NPAS3: variants seen among roughly 807,000 people sequenced by gnomAD.
NPAS3 encodes the protein neuronal PAS domain protein 3, also known as neuronal PAS domain-containing protein 3.
NPAS3 carries 14 observed loss-of-function variants against 73.1 expected under a neutral mutation model. The observed-to-expected ratio is 0.19, with a 90% CI of 0.13 to 0.30. NPAS3 has a LOEUF of 0.30. Ranked by LOEUF, NPAS3 falls within the 10% of genes least tolerant of loss-of-function variation. NPAS3 has a pLI of 1.00. For missense variants in NPAS3, 1,096 were observed against 1,250.0 expected (o/e 0.88, Z 1.86); for synonymous variants, 620 against 541.5 (o/e 1.14, Z -2.01).
At chr14:33,638,854 T>C (rs892506333) in intron 5 of NPAS3, among the ~76,000 whole-genome samples, 1 of 152,264 alleles carries the variant, frequency 6.6e-6, no homozygotes, top group African/African-American at 2.4e-5. Context: ...TATTTTAAAG[T>C]AATGTAACTG....
intron 1 of NPAS3, among the ~76,000 whole-genome samples, chr14:32,965,859 T>C (rs2037131379): frequency 1.3e-5 from 2 of 152,144 alleles, no homozygotes; most frequent in South Asian, 2.1e-4. Context: ...ACAAATTTAG[T>C]AAAATTGCAG....
At chr14:33,476,906 A>C (rs139125569) in intron 4 of NPAS3, among the ~76,000 whole-genome samples, 157 of 152,336 alleles carry the variant, frequency 1.0e-3, no homozygotes, top group African/African-American at 3.5e-3. Flanking sequence ...GACAGAGAAT[A>C]GAATTGGAGT....
rs528177129 is a variant in NPAS3 at position 33,591,224 on chromosome 14, G to A, written c.558+31014G>A. On this transcript the variant is annotated intron_variant, in intron 5 of 11. Transcript: ENST00000356141. ...TTGCCTGTATGGGACTACAGGTCCA[G>A]TTTTACCTTTACTCCCTCACTGCCC... 3.0e-4 allele frequency among the ~76,000 whole-genome samples: 46 copies of A among 152,278 alleles called. 1 individual carries two copies. The East Asian group carries it at 7.5e-3, about 25-fold the overall frequency.
At chr14:33,570,301 T>A (rs1017999417) in intron 5 of NPAS3, among the ~76,000 whole-genome samples, 3 of 152,206 alleles carry the variant, frequency 2.0e-5, no homozygotes, top group African/African-American at 7.2e-5. Context: ...TGCAACTTGG[T>A]CATCTGGAAG....
At chr14:33,281,543 A>T (rs931135782) in intron 3 of NPAS3, among the ~76,000 whole-genome samples, 5 of 152,120 alleles carry the variant, frequency 3.3e-5, no homozygotes, top group South Asian at 2.1e-4. Flanking sequence ...GAGGCAGGAG[A>T]ATCACTTGAA....
chr14:33,634,993 A>C (rs1006767025), intron 5 of NPAS3, among the ~76,000 whole-genome samples: 5 of 152,202 alleles, frequency 3.3e-5, no homozygotes, highest in Admixed American at 6.5e-5. Context: ...GCCCTCTAAG[A>C]GATTCTGATA....
chr14:33,535,037 AT>A (rs2054200828), intron 4 of NPAS3, among the ~76,000 whole-genome samples: 1 of 152,220 alleles, frequency 6.6e-6, no homozygotes, highest in African/African-American at 2.4e-5. Flanking sequence ...TCAATGAAAG[AT>A]TTTGAAAAGA....
At chr14:33,416,041 A>G (rs1037477548) in intron 4 of NPAS3, among the ~76,000 whole-genome samples, 12 of 152,098 alleles carry the variant, frequency 7.9e-5, no homozygotes, top group African/African-American at 2.7e-4. Flanking sequence ...GTTCCCTGCT[A>G]CATGGGAGTA....
At chr14:33,632,589 A>C (rs1177073546) in intron 5 of NPAS3, among the ~76,000 whole-genome samples, 1 of 152,140 alleles carries the variant, frequency 6.6e-6, no homozygotes, top group African/African-American at 2.4e-5. Flanking sequence ...CATCCTTGCC[A>C]CAGAGTCTAT....
At chr14:33,604,692 C>A (rs769436685) in intron 5 of NPAS3, among the ~76,000 whole-genome samples, 1 of 152,052 alleles carries the variant, frequency 6.6e-6, no homozygotes, top group Non-Finnish European at 1.5e-5. Flanking sequence ...CCAAAATACA[C>A]CTTATTCTGA....
intron 2 of NPAS3, among the ~76,000 whole-genome samples, chr14:33,133,836 A>G (rs1238710729): frequency 6.6e-6 from 1 of 152,182 alleles, no homozygotes; most frequent in East Asian, 1.9e-4. Flanking sequence ...GGGAGAAGCC[A>G]CGGGCATTCC....
intron 4 of NPAS3, among the ~76,000 whole-genome samples, chr14:33,417,479 G>A (rs140658289): frequency 1.3e-5 from 2 of 152,046 alleles, no homozygotes; most frequent in South Asian, 2.1e-4. Context: ...CTGTGATTAC[G>A]TTCTAAGTGG....
At chr14:33,647,730 G>A (rs138106340) in intron 5 of NPAS3, among the ~76,000 whole-genome samples, 1 of 152,168 alleles carries the variant, frequency 6.6e-6, no homozygotes, top group Non-Finnish European at 1.5e-5. Context: ...ACTCAGTCCT[G>A]AATCACAAAA....
intron 3 of NPAS3, among the ~76,000 whole-genome samples, chr14:33,296,781 A>T (rs948585146): frequency 4.6e-5 from 7 of 152,218 alleles, no homozygotes; most frequent in Non-Finnish European, 1.5e-5. Flanking sequence ...AGCTGTGGTC[A>T]AGAATTTTAT....
chr14:33,306,512 T>G (rs1194852626), intron 3 of NPAS3, among the ~76,000 whole-genome samples: 1 of 152,184 alleles, frequency 6.6e-6, no homozygotes, highest in African/African-American at 2.4e-5. Context: ...AGCCTTTAAT[T>G]GCATTTAAAT....
At chr14:33,720,532 C>A (rs184900641) in intron 6 of NPAS3, among the ~76,000 whole-genome samples, 1 of 152,186 alleles carries the variant, frequency 6.6e-6, no homozygotes, top group South Asian at 2.1e-4. Flanking sequence ...AAGTAAATTA[C>A]AGCTGCCTTT....
intron 1 of NPAS3, among the ~76,000 whole-genome samples, chr14:32,940,901 G>A (rs1311832678): frequency 6.6e-6 from 1 of 152,112 alleles, no homozygotes; most frequent in Admixed American, 6.5e-5. Flanking sequence ...AGATGATTCT[G>A]TAAACATCAT....
Position 33,037,106 on chromosome 14 carries a change from G to A in NPAS3, c.51-18799G>A, listed in dbSNP as rs915180857. Among the ~76,000 whole-genome samples, 4 of 152,250 alleles carry A rather than the reference G, an allele frequency of 2.6e-5. No homozygotes were observed. The South Asian group carries it at 8.3e-4, about 32-fold the overall frequency. ...AAGCTCATACTGTCGCTTGTGTAGA[G>A]TAGGGGAAATATAAAAACAAAAGCC... On this transcript the variant is annotated intron_variant, in intron 1 of 11. Coordinates refer to ENST00000356141, the Ensembl canonical transcript of NPAS3.
chr14:33,590,565 T>G (rs188820348), intron 5 of NPAS3, among the ~76,000 whole-genome samples: 2 of 152,334 alleles, frequency 1.3e-5, no homozygotes, highest in Admixed American at 1.3e-4. Context: ...CCACTTTTAT[T>G]TTTTGAATAC....
Sources: allele counts gnomAD v4.1 joint callset (sites outside exome capture counted in the v4.1 genomes callset), GRCh38; gene constraint gnomAD v4.1.1; transcripts MANE v1.5; gene names NCBI Gene and HGNC (gene_info 2026-07-23, HGNC 2026-07-21).